Variants in LRFN5 observed in about 807,000 individuals in gnomAD.
LRFN5 encodes the protein leucine-rich repeat and fibronectin type-III domain-containing protein 5.
In LRFN5, 24 loss-of-function variants were observed where a neutral mutation model predicts 45.6. That is an observed-to-expected ratio of 0.53 (90% CI 0.38 to 0.74). The LOEUF (loss-of-function observed/expected upper bound fraction) is 0.74. Ranked by LOEUF, LRFN5 falls within the 30% of genes least tolerant of loss-of-function variation. The pLI is 0.00. For missense variants in LRFN5, 776 were observed against 861.5 expected, an observed-to-expected ratio of 0.90 and a Z score of 1.24; for synonymous variants, 340 against 313.8, an observed-to-expected ratio of 1.08 and a Z score of -0.88.
Position 41,791,884 on chromosome 14 carries a change from C to A in LRFN5, c.-21+24855C>A, listed in dbSNP as rs562419102. On this transcript the variant is annotated intron_variant, in intron 2 of 5. Coordinates refer to ENST00000298119, the MANE Select transcript of LRFN5 (RefSeq NM_152447.5). ...AACTAAGAAGTAATTACTGTGGAGT[C>A]TTTGAATATGAAGCATCATATAAGC... Among the ~76,000 whole-genome samples the A allele has an allele frequency of 1.2e-4, 18 of 152,178 alleles. No homozygotes were observed. The South Asian group carries it at 3.5e-3, about 30-fold the overall frequency.
chr14:41,818,014 T>G (rs1279603671), intron 2 of LRFN5, among the ~76,000 whole-genome samples: 6 of 152,196 alleles, frequency 3.9e-5, no homozygotes, highest in Non-Finnish European at 7.4e-5. Flanking sequence ...ACTTAATGTA[T>G]TTTAATGTAT....
At chr14:41,720,960 A>G (rs1020296912) in intron 1 of LRFN5, among the ~76,000 whole-genome samples, 3 of 152,068 alleles carry the variant, frequency 2.0e-5, no homozygotes, top group Non-Finnish European at 4.4e-5. Context: ...TCAATGGTCT[A>G]TCTAATGTTG....
At chr14:41,741,998 C>G (rs573341291) in intron 1 of LRFN5, among the ~76,000 whole-genome samples, 1 of 151,634 alleles carries the variant, frequency 6.6e-6, no homozygotes, top group South Asian at 2.1e-4. Flanking sequence ...ATGGCTATTA[C>G]AAAAATTGAT....
chr14:41,768,276 G>A (rs1232124286), intron 2 of LRFN5, among the ~76,000 whole-genome samples: 1 of 152,112 alleles, frequency 6.6e-6, no homozygotes, highest in East Asian at 1.9e-4. Context: ...GTTGTTGCTA[G>A]TATGCTCAAG....
At chr14:41,844,618 A>G (rs1476741291) in intron 2 of LRFN5, among the ~76,000 whole-genome samples, 5 of 152,142 alleles carry the variant, frequency 3.3e-5, no homozygotes, top group African/African-American at 4.8e-5. Flanking sequence ...TTTCTAATAC[A>G]CATAACCATG....
At chr14:41,793,489 T>C (rs1347984837) in intron 2 of LRFN5, among the ~76,000 whole-genome samples, 2 of 152,112 alleles carry the variant, frequency 1.3e-5, no homozygotes, top group African/African-American at 2.4e-5. Context: ...TTTTCTCACC[T>C]CATGGTGTAA....
chr14:41,746,872 T>A (rs58142260), intron 1 of LRFN5, among the ~76,000 whole-genome samples: 5,363 of 151,986 alleles, frequency 0.035, 182 homozygotes, highest in African/African-American at 0.091. Flanking sequence ...GCGAATACAA[T>A]GTTAACACAC....
rs1167961478 is a variant in LRFN5 at position 41,650,643 on chromosome 14, T to C, written c.-197+42081T>C. ...CATTGAATAATCTCTTTTAAGGAAA[T>C]GATTTAAAAATTACATATTTATGTA... is the stretch of plus-strand genomic sequence containing the variant. On this transcript the variant is annotated intron_variant, in intron 1 of 5. Transcript: ENST00000298119. Among the ~76,000 whole-genome samples, 3 of 152,088 alleles carry C rather than the reference T, an allele frequency of 2.0e-5. No homozygotes were observed. The East Asian group carries it at 5.8e-4, about 29-fold the overall frequency.
At chr14:41,759,929 A>T (rs1316111702) in intron 1 of LRFN5, among the ~76,000 whole-genome samples, 1 of 152,168 alleles carries the variant, frequency 6.6e-6, no homozygotes, top group Non-Finnish European at 1.5e-5. Flanking sequence ...CTATTATGTA[A>T]ATTTTCATGC....
In LRFN5 at chr14:41,875,043, C is replaced by T. The variant is rs1566497442; in HGVS notation, c.-20-11563C>T. ...TGACACATAGGGATTGTAGGAACTA[C>T]AAATTGAGATGAGATTTGGGTGGGG... On this transcript the variant is annotated intron_variant, in intron 2 of 5. Transcript: ENST00000298119. 9.2e-5 allele frequency among the ~76,000 whole-genome samples: 14 copies of T among 152,296 alleles called. No individual in the cohort carries two copies. In the South Asian group the frequency reaches 2.9e-3, roughly 32 times the overall value.
intron 2 of LRFN5, among the ~76,000 whole-genome samples, chr14:41,865,352 T>TA (rs1357180867): frequency 6.6e-6 from 1 of 152,200 alleles, no homozygotes; most frequent in African/African-American, 2.4e-5. Context: ...AGGCTGTTTT[T>TA]ATGTAGCATG....
At chr14:41,610,250 T>C (rs1887693161) in intron 1 of LRFN5, 1 of 152,062 alleles carries the variant, frequency 6.6e-6, no homozygotes, top group African/African-American at 2.4e-5. Flanking sequence ...CTGCAAAACC[T>C]TTCTCTCTCT....
intron 1 of LRFN5, among the ~76,000 whole-genome samples, chr14:41,679,441 G>A (rs1276421579): frequency 6.6e-6 from 1 of 152,058 alleles, no homozygotes; most frequent in African/African-American, 2.4e-5. Flanking sequence ...AAGGCATCAG[G>A]CAGAGTCCTG....
At chr14:41,682,820 T>G (rs1273015478) in intron 1 of LRFN5, among the ~76,000 whole-genome samples, 1 of 152,064 alleles carries the variant, frequency 6.6e-6, no homozygotes, top group Non-Finnish European at 1.5e-5. Context: ...AATAAAAAAG[T>G]ATCCTGGAAA....
chr14:41,852,697 A>C (rs1052942233), intron 2 of LRFN5, among the ~76,000 whole-genome samples: 26 of 151,874 alleles, frequency 1.7e-4, no homozygotes, highest in Non-Finnish European at 4.4e-5. Context: ...CCTTGCCAAA[A>C]CTTTATTCTC....
At chr14:41,635,890 A>G (rs1879284284) in intron 1 of LRFN5, among the ~76,000 whole-genome samples, 1 of 152,134 alleles carries the variant, frequency 6.6e-6, no homozygotes, top group Non-Finnish European at 1.5e-5. Context: ...TCTAATTCTT[A>G]AAGAGCTCCA....
intron 1 of LRFN5, among the ~76,000 whole-genome samples, chr14:41,724,672 A>G (rs1173855190): frequency 6.6e-6 from 1 of 152,158 alleles, no homozygotes; most frequent in Non-Finnish European, 1.5e-5. Context: ...TATTTTCAAG[A>G]ATGTGTTATG....
chr14:41,641,194 G>C (rs982702544), intron 1 of LRFN5, among the ~76,000 whole-genome samples: 11 of 152,082 alleles, frequency 7.2e-5, no homozygotes, highest in Admixed American at 5.2e-4. Flanking sequence ...GATCTCTTTA[G>C]AGGGCGTTTG....
intron 2 of LRFN5, among the ~76,000 whole-genome samples, chr14:41,883,442 A>G (rs1057386792): frequency 2.0e-5 from 3 of 152,144 alleles, no homozygotes; most frequent in Non-Finnish European, 2.9e-5. Context: ...CTTCCATCAT[A>G]TATAATTTTC....
Sources: allele counts gnomAD v4.1 joint callset (sites outside exome capture counted in the v4.1 genomes callset), GRCh38; gene constraint gnomAD v4.1.1; transcripts MANE v1.5; gene names NCBI Gene and HGNC (gene_info 2026-07-23, HGNC 2026-07-21).